The following NAV2 variants were observed in gnomAD, a reference collection of about 807,000 sequenced individuals.
The protein encoded by NAV2 is helicase, APC down-regulated 1.
In NAV2, 54 loss-of-function variants were observed where a neutral mutation model predicts 223.2. The observed-to-expected ratio is 0.24, with a 90% CI of 0.19 to 0.30. NAV2 has a LOEUF of 0.30. Ranked by LOEUF, NAV2 falls within the 10% of genes least tolerant of loss-of-function variation. The pLI, the probability that NAV2 is intolerant of heterozygous loss-of-function variation, is 1.00. For missense variants in NAV2, 2,806 were observed against 3,147.5 expected (o/e 0.89, Z 2.60); for synonymous variants, 1,279 against 1,239.3 (o/e 1.03, Z -0.67).
intron 1 of NAV2, among the ~76,000 whole-genome samples, chr11:19,662,736 T>A (rs113321379): frequency 2.6e-3 from 398 of 152,318 alleles, no homozygotes; most frequent in Non-Finnish European, 4.8e-3. Flanking sequence ...ATAGGCTTCC[T>A]ATAGTAGCAC....
intron 1 of NAV2, among the ~76,000 whole-genome samples, chr11:19,423,353 T>C (rs1289960286): frequency 6.6e-6 from 1 of 152,226 alleles, no homozygotes; most frequent in Non-Finnish European, 1.5e-5. Flanking sequence ...ATTCTACAGA[T>C]GGTCATGGAC....
intron 1 of NAV2, among the ~76,000 whole-genome samples, chr11:19,809,799 A>G (rs947204308): frequency 1.3e-5 from 2 of 152,306 alleles, no homozygotes; most frequent in East Asian, 3.9e-4. Flanking sequence ...TTGCCCCCCA[A>G]TTGGGATTTG....
chr11:19,558,842 T>G (rs1390756071), intron 1 of NAV2, among the ~76,000 whole-genome samples: 1 of 152,152 alleles, frequency 6.6e-6, no homozygotes, highest in Non-Finnish European at 1.5e-5. Context: ...GAACACACAT[T>G]CAAGTCCCAC....
At chr11:19,945,115 CTCTT>C (rs201727696) in intron 8 of NAV2, among the ~76,000 whole-genome samples, 1,866 of 129,472 alleles carry the variant, frequency 0.014, 53 homozygotes, top group South Asian at 0.06. Context: ...TTCTTTTTTT[CTCTT>C]TCTTTCTTTC....
intron 1 of NAV2, among the ~76,000 whole-genome samples, chr11:19,362,685 C>A (rs1019115557): frequency 3.3e-5 from 5 of 152,164 alleles, no homozygotes; most frequent in Non-Finnish European, 7.4e-5. Flanking sequence ...CAATTCAAAT[C>A]TACCATTTCT....
At chr11:19,574,715 T>A (rs961419457) in intron 1 of NAV2, among the ~76,000 whole-genome samples, 1 of 152,080 alleles carries the variant, frequency 6.6e-6, no homozygotes, top group Non-Finnish European at 1.5e-5. Flanking sequence ...ATAGGTCCAG[T>A]TAGAATTAGG....
intron 3 of NAV2, among the ~76,000 whole-genome samples, chr11:19,859,635 C>T (rs1230057806): frequency 6.6e-6 from 1 of 152,056 alleles, no homozygotes; most frequent in Non-Finnish European, 1.5e-5. Flanking sequence ...CATCATGGCC[C>T]GTTCTCAATG....
rs891866903 is a variant in NAV2 at position 19,435,045 on chromosome 11, A to G, written c.75+84018A>G. On this transcript the variant is annotated intron_variant, in intron 1 of 37. Coordinates refer to the NAV2 transcript ENST00000360655. The stretch of plus-strand genomic sequence containing the variant: ...ACATATATACATTGTGGCATGATCA[A>G]ATTAGACTAGCATATTCGTCACCTC... Among the ~76,000 whole-genome samples, 27 of 152,336 alleles carry G rather than the reference A, an allele frequency of 1.8e-4. 2 individuals carry two copies. The highest frequency in any genetic ancestry group is 1.5e-3 in the Admixed American group (23 of 15,306).
At chr11:19,421,543 A>G (rs1406532194) in intron 1 of NAV2, among the ~76,000 whole-genome samples, 1 of 152,162 alleles carries the variant, frequency 6.6e-6, no homozygotes, top group Admixed American at 6.5e-5. Context: ...TATTATGTAT[A>G]TTATTGCTTA....
At chr11:19,702,369 G>A (rs1164623781) in intron 1 of NAV2, among the ~76,000 whole-genome samples, 9 of 152,196 alleles carry the variant, frequency 5.9e-5, no homozygotes, top group Non-Finnish European at 4.4e-5. Context: ...TTATTAGTTT[G>A]GGAGAAGGAG....
intron 1 of NAV2, chr11:19,384,855 A>G (rs1363898003): frequency 6.6e-6 from 1 of 152,236 alleles, no homozygotes; most frequent in Non-Finnish European, 1.5e-5. Flanking sequence ...ATGGATGTGC[A>G]TGAGTTTGTC....
intron 6 of NAV2, among the ~76,000 whole-genome samples, chr11:19,907,528 G>GAA (rs869266481): frequency 3.9e-5 from 1 of 25,524 alleles, no homozygotes; most frequent in African/African-American, 1.0e-4. Context: ...CACTCATAGG[G>GAA]GGAGGGGGAA....
chr11:19,388,429 G>A (rs1471009094), intron 1 of NAV2, among the ~76,000 whole-genome samples: 1 of 152,094 alleles, frequency 6.6e-6, no homozygotes, highest in African/African-American at 2.4e-5. Flanking sequence ...TTTGCCTGCT[G>A]ATTCTCTTTC....
intron 1 of NAV2, among the ~76,000 whole-genome samples, chr11:19,789,641 T>C (rs7931362): frequency 0.12 from 18,484 of 152,218 alleles, 1,338 homozygotes; most frequent in African/African-American, 0.21. Context: ...TGAAATCAGT[T>C]ATCAGGTCTT....
At chr11:20,054,338 G>A (rs1033536473) in intron 18 of NAV2, 98 bp downstream of exon 18, 2 of 1,298,418 alleles carry the variant, frequency 1.5e-6, no homozygotes, top group African/African-American at 3.0e-5. Flanking sequence ...TTTTTGGGGA[G>A]CAGGTGGTTT....
At chr11:19,736,765 T>C (rs551304856) in intron 1 of NAV2, among the ~76,000 whole-genome samples, 1 of 152,300 alleles carries the variant, frequency 6.6e-6, no homozygotes, top group African/African-American at 2.4e-5. Flanking sequence ...CTGTTCTACA[T>C]GTTGATTATG....
Position 20,049,173 on chromosome 11 carries a change from G to A in NAV2, c.4348G>A (p.Val1450Met). Residue 1450 changes from valine to methionine, a missense_variant, in exon 15 of 38, where the codon GTG (valine) becomes ATG (methionine). Around this residue, in one of 4 missense-constraint regions of NAV2, gnomAD observed 742 missense variants for 777.9 expected, o/e 0.95. Transcript: ENST00000349880. ...SLTPFVRTNS[V>M]KTTLSESPLS... ...GACTCCCTTTGTCAGAACTAACAGT[G>A]TGAAGACCACACTGTCAGAAAGGTT... The A allele has an allele frequency of 6.2e-7, 1 of 1,603,870 alleles. No homozygotes were observed. The highest frequency in any genetic ancestry group is 8.5e-7 in the Non-Finnish European group (1 of 1,174,324).
At position 19,644,403 on chromosome 11, in the gene NAV2, T is replaced by C. The variant is rs768794894; in HGVS notation, c.76-188081T>C. On this transcript the variant is annotated intron_variant, in intron 1 of 37. Coordinates refer to the NAV2 transcript ENST00000360655. ...ATTGGCTGTTGCTGCGAGAAGCCTT[T>C]GTTCCTATGGTGGCCCCAGGCCGGT... 1.4e-4 allele frequency among the ~76,000 whole-genome samples: 21 copies of C among 152,352 alleles called. No individual in the cohort carries two copies. In the Middle Eastern group the frequency reaches 0.01, roughly 74 times the overall value.
At chr11:19,470,723 C>T (rs1017595247) in intron 1 of NAV2, among the ~76,000 whole-genome samples, 7 of 152,080 alleles carry the variant, frequency 4.6e-5, no homozygotes, top group Non-Finnish European at 8.8e-5. Flanking sequence ...GTTAGAGGAA[C>T]CAATGGGGAC....
Sources: gnomAD v4.1 joint callset for allele counts (sites outside exome capture counted in the v4.1 genomes callset) on GRCh38, gnomAD v4.1.1 for gene constraint, gnomAD v4.1.1 regional missense constraint, MANE v1.5 for transcripts, NCBI Gene and HGNC (gene_info 2026-07-23, HGNC 2026-07-21) for gene names.